Variants in LARGE1 observed in about 807,000 individuals in gnomAD.
The protein encoded by LARGE1 is xylosyl- and glucuronyltransferase LARGE1.
In LARGE1, 43 loss-of-function variants were observed where a neutral mutation model predicts 87.6. The ratio of observed to expected loss-of-function variants is 0.49; its 90% CI spans 0.38 to 0.63. The LOEUF (loss-of-function observed/expected upper bound fraction) is 0.63. LARGE1 is among the 30% of genes least tolerant of loss of function. LARGE1 has a pLI of 0.00. For synonymous variants in LARGE1, 434 were observed against 394.6 expected (o/e 1.10, Z -1.18); for missense variants, 802 against 1,000.2 (o/e 0.80, Z 2.67).
intron 11 of LARGE1, among the ~76,000 whole-genome samples, chr22:33,221,339 C>G (rs1925449523): frequency 6.6e-6 from 1 of 152,142 alleles, no homozygotes; most frequent in Non-Finnish European, 1.5e-5. Flanking sequence ...TCTCTCTCTC[C>G]TGCCAATCCT....
At chr22:33,500,558 A>G (rs2070377378) in intron 6 of LARGE1, among the ~76,000 whole-genome samples, 1 of 152,218 alleles carries the variant, frequency 6.6e-6, no homozygotes, top group South Asian at 2.1e-4. Flanking sequence ...TTCCTGGTTT[A>G]CAACGTGGGT....
chr22:33,856,794 A>G (rs1267895550), intron 1 of LARGE1: 1 of 152,192 alleles, frequency 6.6e-6, no homozygotes, highest in Non-Finnish European at 1.5e-5. Context: ...GCGTTTCTTA[A>G]TGTAGGTTCT....
At chr22:33,288,421 G>C (rs1424434432) in intron 12 of LARGE1, among the ~76,000 whole-genome samples, 1 of 152,162 alleles carries the variant, frequency 6.6e-6, no homozygotes. Flanking sequence ...CCCCACAACA[G>C]TGTGAGCCAA....
At chr22:33,898,305 C>T (rs984940507) in intron 1 of LARGE1, among the ~76,000 whole-genome samples, 6 of 152,220 alleles carry the variant, frequency 3.9e-5, no homozygotes, top group Non-Finnish European at 7.3e-5. Context: ...GCCCCGCCCC[C>T]CATCCACAAA....
intron 6 of LARGE1, among the ~76,000 whole-genome samples, chr22:33,547,787 C>T (rs2077402602): frequency 1.1e-5 from 1 of 89,198 alleles, no homozygotes; most frequent in East Asian, 3.2e-4. Flanking sequence ...GAGTGAGACT[C>T]CATCTCAAAA....
intron 6 of LARGE1, among the ~76,000 whole-genome samples, chr22:33,539,446 T>C (rs1349282954): frequency 6.6e-6 from 1 of 152,178 alleles, no homozygotes; most frequent in Non-Finnish European, 1.5e-5. Flanking sequence ...GTAAATAACT[T>C]GCTCAAACAT....
chr22:33,119,415 G>A, the LARGE1 span, among the ~76,000 whole-genome samples: 1 of 152,030 alleles, frequency 6.6e-6, no homozygotes, highest in Non-Finnish European at 1.5e-5. Context: ...AAATATTTTA[G>A]TTCCCTATAA....
the LARGE1 span, among the ~76,000 whole-genome samples, chr22:33,086,210 A>T: frequency 6.6e-6 from 1 of 152,360 alleles, no homozygotes; most frequent in East Asian, 1.9e-4. Flanking sequence ...AAAAAAATCT[A>T]AAATAGTTTG....
intron 11 of LARGE1, among the ~76,000 whole-genome samples, chr22:33,230,556 G>C (rs910544552): frequency 6.6e-6 from 1 of 152,186 alleles, no homozygotes; most frequent in African/African-American, 2.4e-5. Context: ...GAAAAAGAAA[G>C]GAAGCCCAAA....
chr22:33,385,244 C>T lies in LARGE1; in HGVS notation c.893-940G>A, dbSNP rs186846545. On this transcript the variant is annotated intron_variant, in intron 7 of 14. Transcript: ENST00000397394. Reference sequence around the variant, plus strand: ...ATATCCTTTTGTGTTTTTTAAAACGCTAAAACAACAGCCGGGTGTGGTGGT... The same window carrying T: ...ATATCCTTTTGTGTTTTTTAAAACGTTAAAACAACAGCCGGGTGTGGTGGT... 9.9e-3 allele frequency among the ~76,000 whole-genome samples: 1,462 copies of T among 148,346 alleles called. 135 individuals are homozygous for T. The highest frequency in any genetic ancestry group is 0.016 in the Non-Finnish European group (1,071 of 66,396).
At chr22:33,525,007 A>T (rs1280374852) in intron 6 of LARGE1, among the ~76,000 whole-genome samples, 1 of 152,234 alleles carries the variant, frequency 6.6e-6, no homozygotes, top group Non-Finnish European at 1.5e-5. Flanking sequence ...TTTCTTTAGC[A>T]CACAGGTCTT....
chr22:33,230,004 CTTT>C (rs557120175), intron 11 of LARGE1, among the ~76,000 whole-genome samples: 3,358 of 80,784 alleles, frequency 0.042, 20 homozygotes, highest in Admixed American at 0.076. Context: ...TTTCAAAGTT[CTTT>C]TTTTTTTTTT....
intron 6 of LARGE1, among the ~76,000 whole-genome samples, chr22:33,522,660 A>T (rs147350973): frequency 6.6e-6 from 1 of 151,928 alleles, no homozygotes; most frequent in African/African-American, 2.4e-5. Flanking sequence ...GTGAAACCCC[A>T]TCTGTACTAA....
the LARGE1 span, among the ~76,000 whole-genome samples, chr22:33,130,613 T>C: frequency 6.6e-6 from 1 of 152,140 alleles, no homozygotes; most frequent in Non-Finnish European, 1.5e-5. Context: ...AATTGCCTTC[T>C]AGTTAAACAA....
intron 6 of LARGE1, among the ~76,000 whole-genome samples, chr22:33,519,274 G>C (rs377314931): frequency 4.0e-5 from 6 of 151,618 alleles, no homozygotes; most frequent in African/African-American, 1.2e-4. Context: ...ATATGCCTCA[G>C]AGAGGAGCAT....
At chr22:33,852,261 CAA>C (rs1334279900) in intron 1 of LARGE1, among the ~76,000 whole-genome samples, 1 of 151,924 alleles carries the variant, frequency 6.6e-6, no homozygotes, top group Non-Finnish European at 1.5e-5. Context: ...CCTGGAGCTA[CAA>C]AAAGAGGCCT....
intron 11 of LARGE1, among the ~76,000 whole-genome samples, chr22:33,262,410 C>T (rs1489118065): frequency 6.6e-6 from 1 of 152,184 alleles, no homozygotes; most frequent in East Asian, 1.9e-4. Context: ...GCTGGTGCTA[C>T]GACTGGGCCT....
intron 11 of LARGE1, among the ~76,000 whole-genome samples, chr22:33,203,318 C>A (rs1358793971): frequency 6.6e-6 from 1 of 152,170 alleles, no homozygotes; most frequent in African/African-American, 2.4e-5. Flanking sequence ...TGCAAGACAG[C>A]CTCGTGCAGG....
At chr22:33,239,812 C>T (rs1362349914) in intron 11 of LARGE1, among the ~76,000 whole-genome samples, 1 of 152,142 alleles carries the variant, frequency 6.6e-6, no homozygotes, top group Non-Finnish European at 1.5e-5. Context: ...GCTGGGATTA[C>T]AGAGTGAGCC....
Sources: allele counts gnomAD v4.1 joint callset (sites outside exome capture counted in the v4.1 genomes callset), GRCh38; gene constraint gnomAD v4.1.1; transcripts MANE v1.5; gene names NCBI Gene and HGNC (gene_info 2026-07-23, HGNC 2026-07-21).